Variants in KSR2 observed in about 807,000 individuals in gnomAD.
KSR2 encodes kinase suppressor of ras 2.
A neutral mutation model predicts 107.8 loss-of-function variants in KSR2; 25 were observed. That is an observed-to-expected ratio of 0.23 (90% CI 0.17 to 0.32). The LOEUF is 0.32. KSR2 is among the 10% of genes least tolerant of loss of function. The probability of loss-of-function intolerance (pLI) is 1.00; values close to 1 mark genes in which losing one functional copy is unlikely to be tolerated. For missense variants in KSR2, 887 were observed against 1,268.9 expected (o/e 0.70, Z 4.57); for synonymous variants, 480 against 507.0 (o/e 0.95, Z 0.71).
chr12:117,652,425 C>G (rs1324868772), intron 5 of KSR2, among the ~76,000 whole-genome samples: 2 of 152,160 alleles, frequency 1.3e-5, no homozygotes, highest in African/African-American at 4.8e-5. Flanking sequence ...CTACTGCATT[C>G]CTACTTAAAT....
intron 5 of KSR2, among the ~76,000 whole-genome samples, chr12:117,610,131 C>G (rs1881512595): frequency 6.6e-6 from 1 of 152,076 alleles, no homozygotes; most frequent in African/African-American, 2.4e-5. Context: ...AGATATTACT[C>G]AGCCTCCTGG....
intron 3 of KSR2, among the ~76,000 whole-genome samples, chr12:117,775,413 G>A (rs961176246): frequency 6.6e-6 from 1 of 152,114 alleles, no homozygotes; most frequent in Admixed American, 6.5e-5. Context: ...AACATTTATC[G>A]AGCACTTACT....
intron 1 of KSR2, among the ~76,000 whole-genome samples, chr12:117,962,920 C>T (rs1221842804): frequency 6.6e-6 from 1 of 151,474 alleles, no homozygotes; most frequent in Non-Finnish European, 1.5e-5. Flanking sequence ...CTTGATGGCT[C>T]ACGCCTATAA....
chr12:117,901,448 G>A (rs1438560627), intron 1 of KSR2, among the ~76,000 whole-genome samples: 1 of 151,582 alleles, frequency 6.6e-6, no homozygotes, highest in Admixed American at 6.6e-5. Context: ...GACTACAGAC[G>A]CCTGCCACCA....
rs1871157787 is a variant in KSR2, at chr12:117,466,616, A to T, written c.*583T>A. 6.6e-6 allele frequency: 1 copy of T among 152,538 alleles called. No homozygotes were observed. Among genetic ancestry groups the T allele is most frequent in the Non-Finnish European group, 1.5e-5 (1 of 68,138 alleles). The allele number at this position is 152,538 out of a possible 1,614,324, so 9.4% of individuals were successfully genotyped here. A position where few individuals can be genotyped will look rare whatever the true frequency, so the allele number is the denominator to read the frequency against. ...GAAAACAGATATTTCCAAAGGAACG[A>T]GCTTAGCCACTCCCGACCTTCCCTG... On this transcript the variant is annotated 3_prime_UTR_variant, in exon 20 of 20. Transcript: ENST00000339824.
chr12:117,620,910 C>A (rs1286478661), intron 5 of KSR2, among the ~76,000 whole-genome samples: 1 of 152,096 alleles, frequency 6.6e-6, no homozygotes, highest in East Asian at 1.9e-4. Flanking sequence ...CAAAACAAAA[C>A]CTAAACATGT....
At chr12:117,619,043 G>A (rs1170624796) in intron 5 of KSR2, among the ~76,000 whole-genome samples, 5 of 152,032 alleles carry the variant, frequency 3.3e-5, no homozygotes, top group African/African-American at 1.2e-4. Context: ...CAGGACCCTA[G>A]GGGGACACAG....
At chr12:117,667,726 GC>G in intron 4 of KSR2, 68 bp from the exon 5 acceptor site, 1 of 1,342,618 alleles carries the variant, frequency 7.4e-7, no homozygotes, top group Non-Finnish European at 1.0e-6. Flanking sequence ...CAGCAGGGAG[GC>G]CCAGCCTTGT....
At chr12:117,522,509 G>A (rs1045366053) in intron 14 of KSR2, among the ~76,000 whole-genome samples, 18 of 152,226 alleles carry the variant, frequency 1.2e-4, no homozygotes, top group African/African-American at 4.3e-4. Flanking sequence ...GGGTAAGAAA[G>A]GGAAGGAAAG....
At chr12:117,771,442 C>T (rs1285888189) in intron 3 of KSR2, among the ~76,000 whole-genome samples, 2 of 152,152 alleles carry the variant, frequency 1.3e-5, no homozygotes, top group African/African-American at 2.4e-5. Context: ...TGTGCTCTGA[C>T]CACCTTGGAC....
At chr12:117,968,039 T>TC in intron 1 of KSR2, 37 bp downstream of exon 1, 1 of 834,272 alleles carries the variant, frequency 1.2e-6, no homozygotes, top group Non-Finnish European at 1.7e-6. Flanking sequence ...CTTTTTTTTT[T>TC]TTTTTTTTTT....
At chr12:117,769,272 G>A (rs755047618) in intron 3 of KSR2, among the ~76,000 whole-genome samples, 7 of 151,356 alleles carry the variant, frequency 4.6e-5, no homozygotes, top group Non-Finnish European at 7.4e-5. Flanking sequence ...TTCACCTACT[G>A]TTCCTCTCCC....
chr12:117,613,359 C>T (rs1260969059), intron 5 of KSR2, among the ~76,000 whole-genome samples: 1 of 152,214 alleles, frequency 6.6e-6, no homozygotes, highest in Non-Finnish European at 1.5e-5. Context: ...AATTCCCCAG[C>T]CTCAGTCCCA....
intron 4 of KSR2, among the ~76,000 whole-genome samples, chr12:117,713,657 T>C (rs1304490464): frequency 6.6e-6 from 1 of 151,424 alleles, no homozygotes; most frequent in Non-Finnish European, 1.5e-5. Flanking sequence ...GAAGGGACAG[T>C]AAGAGGAAGG....
At chr12:117,903,521 T>C in intron 1 of KSR2, among the ~76,000 whole-genome samples, 1 of 152,250 alleles carries the variant, frequency 6.6e-6, no homozygotes, top group Non-Finnish European at 1.5e-5. Flanking sequence ...CAAATTTTAC[T>C]GGGCTTCCTA....
intron 3 of KSR2, among the ~76,000 whole-genome samples, chr12:117,829,547 G>A (rs1378035682): frequency 6.6e-6 from 1 of 152,208 alleles, no homozygotes; most frequent in East Asian, 1.9e-4. Flanking sequence ...CTTGATGAAT[G>A]AATAAGTACA....
intron 5 of KSR2, among the ~76,000 whole-genome samples, chr12:117,594,049 G>C (rs192751013): frequency 2.2e-3 from 329 of 152,264 alleles, no homozygotes; most frequent in African/African-American, 7.7e-3. Flanking sequence ...CATATTTATC[G>C]CCTTGAACTG....
intron 4 of KSR2, among the ~76,000 whole-genome samples, chr12:117,680,664 C>G (rs1395074360): frequency 3.3e-5 from 5 of 151,806 alleles, no homozygotes; most frequent in Admixed American, 2.0e-4. Flanking sequence ...GTGGACTGGT[C>G]GATTAAATTA....
chr12:117,834,261 G>A (rs1892106426), intron 3 of KSR2, among the ~76,000 whole-genome samples: 1 of 152,034 alleles, frequency 6.6e-6, no homozygotes, highest in Admixed American at 6.6e-5. Context: ...CCACCCTCTG[G>A]TCAGTGGTAC....
Sources: gnomAD v4.1 joint callset for allele counts (sites outside exome capture counted in the v4.1 genomes callset) on GRCh38, gnomAD v4.1.1 for gene constraint, MANE v1.5 for transcripts, NCBI Gene and HGNC (gene_info 2026-07-23, HGNC 2026-07-21) for gene names.